Variants in ERG observed in about 807,000 individuals in gnomAD.
ERG encodes ETS transcription factor ERG.
In ERG, 9 loss-of-function variants were observed where a neutral mutation model predicts 55.3. That is an observed-to-expected ratio of 0.16 (90% CI 0.10 to 0.28). The LOEUF (loss-of-function observed/expected upper bound fraction) is 0.28. ERG is among the 10% of genes least tolerant of loss of function. The pLI is 1.00. For synonymous variants in ERG, 223 were observed against 237.3 expected (o/e 0.94, Z 0.55); for missense variants, 434 against 631.6 (o/e 0.69, Z 3.35).
At chr21:38,446,548 C>A (rs2058894140) in intron 1 of ERG, among the ~76,000 whole-genome samples, 1 of 152,148 alleles carries the variant, frequency 6.6e-6, no homozygotes, top group Admixed American at 6.5e-5. Flanking sequence ...TGTTGTGATA[C>A]AATCCAATTT....
chr21:38,573,803 G>A (rs966803129), intron 2 of ERG, among the ~76,000 whole-genome samples: 3 of 152,182 alleles, frequency 2.0e-5, no homozygotes, highest in African/African-American at 7.2e-5. Context: ...CTTTGTCTCT[G>A]TGTCTTATTT....
chr21:38,500,317 G>A (rs1568858995), upstream of ERG, among the ~76,000 whole-genome samples: 1 of 152,196 alleles, frequency 6.6e-6, no homozygotes, highest in Non-Finnish European at 1.5e-5. Flanking sequence ...CACGCCTCGT[G>A]GTTGCTAATC....
Position 38,381,974 on chromosome 21 carries a change from T to C in ERG, c.*1429A>G. The C allele has an allele frequency of 2.8e-6, 3 of 1,062,200 alleles. No individual in the cohort carries two copies. The highest frequency in any genetic ancestry group is 3.4e-6 in the Non-Finnish European group (3 of 877,156). 65.8% of individuals were successfully genotyped at this position (1,062,200 alleles called of 1,614,324 possible). The stretch of plus-strand genomic sequence containing the variant: ...AATCCACAACATTCAGCACATGTTT[T>C]CATTAAGCAACTTTAGTCACTAAAA... On this transcript the variant is annotated 3_prime_UTR_variant, in exon 10 of 10. Transcript: ENST00000288319.
downstream of ERG, among the ~76,000 whole-genome samples, chr21:38,376,085 A>T (rs1987234724): frequency 6.6e-6 from 1 of 152,104 alleles, no homozygotes; most frequent in Non-Finnish European, 1.5e-5. Flanking sequence ...CTCTGTTAGT[A>T]TTTTCTTTTT....
chr21:38,430,054 C>G (rs1208191783), intron 2 of ERG, among the ~76,000 whole-genome samples: 1 of 151,872 alleles, frequency 6.6e-6, no homozygotes, highest in Admixed American at 6.6e-5. Flanking sequence ...AAAGTGTTCC[C>G]TTTTCACCAT....
chr21:38,600,935 C>T (rs564339236), intron 1 of ERG, among the ~76,000 whole-genome samples: 528 of 152,202 alleles, frequency 3.5e-3, no homozygotes, highest in Non-Finnish European at 5.6e-3. Context: ...TGCATCTAAC[C>T]CCCCCTGGAA....
At chr21:38,511,757 G>A (rs2146725933) in intron 2 of ERG, among the ~76,000 whole-genome samples, 1 of 152,222 alleles carries the variant, frequency 6.6e-6, no homozygotes, top group South Asian at 2.1e-4. Context: ...TCTCAACCTT[G>A]GCAGCATCAA....
chr21:38,622,534 C>T (rs1045207266), intron 1 of ERG, among the ~76,000 whole-genome samples: 3 of 149,308 alleles, frequency 2.0e-5, no homozygotes, highest in Non-Finnish European at 3.0e-5. Context: ...ACATCACATA[C>T]ACACCATACC....
At chr21:38,369,543 G>C in the ERG span, among the ~76,000 whole-genome samples, 3 of 152,136 alleles carry the variant, frequency 2.0e-5, no homozygotes, top group Non-Finnish European at 1.5e-5. Context: ...TAGATGTATA[G>C]TTTGCAAAAT....
At chr21:38,523,436 C>G (rs1049165368) in intron 2 of ERG, among the ~76,000 whole-genome samples, 1 of 152,174 alleles carries the variant, frequency 6.6e-6, no homozygotes, top group East Asian at 1.9e-4. Context: ...GTATTCATCA[C>G]CAACATCTCC....
intron 1 of ERG, among the ~76,000 whole-genome samples, chr21:38,469,262 C>A (rs1046209636): frequency 6.6e-6 from 1 of 152,162 alleles, no homozygotes; most frequent in African/African-American, 2.4e-5. Context: ...CTCATTAACG[C>A]ACTTAGCAAA....
At chr21:38,598,270 T>C (rs1407553339) in intron 1 of ERG, among the ~76,000 whole-genome samples, 2 of 152,226 alleles carry the variant, frequency 1.3e-5, no homozygotes, top group African/African-American at 4.8e-5. Flanking sequence ...GAGGCATTCC[T>C]GGGCCCCATG....
intron 2 of ERG, among the ~76,000 whole-genome samples, chr21:38,550,079 C>G (rs2059814398): frequency 6.6e-6 from 1 of 152,176 alleles, no homozygotes; most frequent in Non-Finnish European, 1.5e-5. Flanking sequence ...CCAAGGTGAC[C>G]ACTCCAAAAG....
chr21:38,376,350 A>G (rs141059979), downstream of ERG, among the ~76,000 whole-genome samples: 512 of 152,150 alleles, frequency 3.4e-3, 1 homozygote, highest in Non-Finnish European at 5.8e-3. Flanking sequence ...TGGGACGGAC[A>G]CTCAGTTGTT....
chr21:38,370,700 T>G, the ERG span, among the ~76,000 whole-genome samples: 1 of 152,210 alleles, frequency 6.6e-6, no homozygotes, highest in African/African-American at 2.4e-5. Flanking sequence ...GAGTTGATGT[T>G]TAGTACTATT....
chr21:38,590,650 ATCATCCATGTAT>A, intron 1 of ERG, among the ~76,000 whole-genome samples: 1 of 150,770 alleles, frequency 6.6e-6, no homozygotes, highest in South Asian at 2.1e-4. Flanking sequence ...TCATCCATCC[ATCATCCATGTAT>A]TCATCCATCC....
rs575687158 is a variant in ERG, at chr21:38,508,351, G to A, written c.-41+67311C>T. ...CAAATCTGTATCTTATGGGATTTCC[G>A]TCTCAATAATTGAGCTAATAGTACC... On this transcript the variant is annotated intron_variant, in intron 2 of 8. Coordinates refer to the ERG transcript ENST00000398897. 4.9e-3 allele frequency among the ~76,000 whole-genome samples: 744 copies of A among 151,984 alleles called. 6 individuals carry two copies. Among genetic ancestry groups the A allele is most frequent in the Non-Finnish European group, 7.5e-3 (509 of 67,984 alleles).
intron 1 of ERG, among the ~76,000 whole-genome samples, chr21:38,470,274 ATTATTATTG>A (rs1027780057): frequency 1.3e-5 from 2 of 151,988 alleles, no homozygotes; most frequent in African/African-American, 4.8e-5. Flanking sequence ...TATTATTATT[ATTATTATTG>A]TTATAATTAT....
chr21:38,377,217 CTAT>C (rs1431423635), downstream of ERG, among the ~76,000 whole-genome samples: 2 of 152,166 alleles, frequency 1.3e-5, no homozygotes, highest in Non-Finnish European at 2.9e-5. Flanking sequence ...TGGCACTAAG[CTAT>C]TATTATTATC....
Sources: allele counts gnomAD v4.1 joint callset (sites outside exome capture counted in the v4.1 genomes callset), GRCh38; gene constraint gnomAD v4.1.1; transcripts MANE v1.5; gene names NCBI Gene and HGNC (gene_info 2026-07-23, HGNC 2026-07-21).